Variants in RAB32 observed in about 807,000 individuals in gnomAD.
RAB32 encodes RAB32, member RAS oncogene family.
In RAB32, 17 loss-of-function variants were observed where a neutral mutation model predicts 17.5. The ratio of observed to expected loss-of-function variants is 0.97; its 90% CI spans 0.67 to 1.46. The LOEUF (loss-of-function observed/expected upper bound fraction) is 1.46. Ranked by LOEUF, RAB32 falls within the 40% of genes most tolerant of loss-of-function variation. The pLI is 0.00. For synonymous variants in RAB32, 115 were observed against 111.1 expected (o/e 1.04, Z -0.22); for missense variants, 288 against 284.3 (o/e 1.01, Z -0.09).
At chr6:146,547,873 T>G (rs3804286) in intron 1 of RAB32, among the ~76,000 whole-genome samples, 102,309 of 151,930 alleles carry the variant, frequency 0.67, 34,943 homozygotes, top group African/African-American at 0.71. Flanking sequence ...ACCATGTAAT[T>G]ATCTTGAAAT....
chr6:146,545,555 A>G (rs914924533), intron 1 of RAB32, among the ~76,000 whole-genome samples: 2 of 152,224 alleles, frequency 1.3e-5, no homozygotes, highest in Non-Finnish European at 2.9e-5. Flanking sequence ...ATTGTAACCT[A>G]TAACTCATTC....
rs139207665 is a variant in RAB32, at chr6:146,551,511, T to C, written c.528+1770T>C. ...AAGCACTAGGATTACAGGCGTGTTC[T>C]TCTGGACACTCATGCCCTCTGTCTG... On this transcript the variant is annotated intron_variant, in intron 2 of 2. Coordinates refer to ENST00000367495, the MANE Select transcript of RAB32 (RefSeq NM_006834.5). Among the ~76,000 whole-genome samples the C allele has an allele frequency of 5.1e-3, 780 of 152,126 alleles. 14 individuals are homozygous for C. The highest frequency in any genetic ancestry group is 0.048 in the East Asian group (250 of 5,162).
rs1283799891 is a variant in RAB32, at chr6:146,553,459, A to G, written c.529-997A>G. On this transcript the variant is annotated intron_variant, in intron 2 of 2. Transcript: ENST00000367495. ...AAATACATACGTTGAATTTAATGAT[A>G]AGGAAACATCGAACATCACAGATGG... Among the ~76,000 whole-genome samples, 3 of 152,308 alleles carry G rather than the reference A, an allele frequency of 2.0e-5. No individual in the cohort carries two copies. The East Asian group carries it at 5.8e-4, about 29-fold the overall frequency.
Position 146,550,731 on chromosome 6 carries a change from G to T in RAB32, c.528+990G>T, listed in dbSNP as rs983338471. ...ATACATATATAAAATGTTTGGGGGG[G>T]GGGTTACGTGCATTGGAACTTTCAC... is the stretch of plus-strand genomic sequence containing the variant. On this transcript the variant is annotated intron_variant, in intron 2 of 2. Transcript: ENST00000367495. 2.9e-4 allele frequency among the ~76,000 whole-genome samples: 43 copies of T among 147,320 alleles called. 2 individuals are homozygous for T. Among genetic ancestry groups the T allele is most frequent in the Non-Finnish European group, 5.1e-4 (34 of 66,936 alleles).
At chr6:146,544,179 C>A in intron 1 of RAB32, 58 bp downstream of exon 1, 1 of 1,519,914 alleles carries the variant, frequency 6.6e-7, no homozygotes. Context: ...TGGCTCCTCT[C>A]TGCTTCTTTT....
chr6:146,550,726 G>C (rs1266313118), intron 2 of RAB32, among the ~76,000 whole-genome samples: 3 of 137,920 alleles, frequency 2.2e-5, no homozygotes, highest in South Asian at 2.4e-4. Flanking sequence ...AAAATGTTTG[G>C]GGGGGGGGTT....
chr6:146,554,543 G>C lies in RAB32; in HGVS notation c.616G>C (p.Val206Leu). ...HQSFPNEEND[V>L]DKIKLDQETL... ...AAGCTTTCCTAATGAAGAAAACGATGTGGACAAAATTAAGCTAGATCAAGA... is the reference window on the plus strand; with the variant it reads ...AAGCTTTCCTAATGAAGAAAACGATCTGGACAAAATTAAGCTAGATCAAGA... Residue 206 changes from valine to leucine, a missense_variant, in exon 3 of 3, where the codon GTG (valine) becomes CTG (leucine). Physicochemically the swap from Val to Leu is conservative, Grantham distance 32. Transcript: ENST00000367495. 6.2e-7 allele frequency: 1 copy of C among 1,613,922 alleles called. No individual in the cohort carries two copies. The highest frequency in any genetic ancestry group is 8.5e-7 in the Non-Finnish European group (1 of 1,179,846).
intron 1 of RAB32, among the ~76,000 whole-genome samples, chr6:146,548,319 A>T (rs1562730516): frequency 1.3e-5 from 2 of 152,294 alleles, no homozygotes; most frequent in East Asian, 3.9e-4. Flanking sequence ...TATTCCCTAA[A>T]ACAATATATA....
intron 2 of RAB32, among the ~76,000 whole-genome samples, chr6:146,554,074 T>A (rs1002532025): frequency 1.2e-4 from 19 of 152,166 alleles, no homozygotes; most frequent in African/African-American, 4.6e-4. Context: ...TTTCAGTTTT[T>A]TTCACAGTGT....
At position 146,554,696 on chromosome 6, in the gene RAB32, C is replaced by G. The variant is rs896531649; in HGVS notation, c.*91C>G. On this transcript the variant is annotated 3_prime_UTR_variant, in exon 3 of 3. Coordinates refer to ENST00000367495, the MANE Select transcript of RAB32 (RefSeq NM_006834.5). ...ATGTCATGTTAGCTGGGAGTCTTCC[C>G]ACATGTGGCACTTCAAAAGGCAGCA... 5 of 1,402,522 alleles carry G rather than the reference C, an allele frequency of 3.6e-6. No homozygotes were observed. Among genetic ancestry groups the G allele is most frequent in the Non-Finnish European group, 4.8e-6 (5 of 1,040,762 alleles). 86.9% of individuals were successfully genotyped at this position (1,402,522 alleles called of 1,614,324 possible).
At chr6:146,551,239 A>C (rs1779894795) in intron 2 of RAB32, among the ~76,000 whole-genome samples, 1 of 152,226 alleles carries the variant, frequency 6.6e-6, no homozygotes, top group Non-Finnish European at 1.5e-5. Context: ...AATAAAACAT[A>C]GTGATAGAAG....
intron 1 of RAB32, among the ~76,000 whole-genome samples, chr6:146,546,241 G>C (rs1779817448): frequency 6.6e-6 from 1 of 152,078 alleles, no homozygotes; most frequent in Non-Finnish European, 1.5e-5. Flanking sequence ...CTCCAAAAGG[G>C]ATTTCTGGAT....
At chr6:146,548,844 G>T (rs1170590621) in intron 1 of RAB32, among the ~76,000 whole-genome samples, 1 of 152,202 alleles carries the variant, frequency 6.6e-6, no homozygotes, top group Non-Finnish European at 1.5e-5. Flanking sequence ...GACATTTGAA[G>T]AACCCTGGAA....
intron 1 of RAB32, among the ~76,000 whole-genome samples, chr6:146,545,697 G>T (rs145127792): frequency 6.6e-6 from 1 of 152,236 alleles, no homozygotes; most frequent in East Asian, 1.9e-4. Flanking sequence ...CCAAAAGTTC[G>T]TTTGAAAAGT....
At chr6:146,550,900 G>C (rs1282914121) in intron 2 of RAB32, among the ~76,000 whole-genome samples, 1 of 152,090 alleles carries the variant, frequency 6.6e-6, no homozygotes, top group Non-Finnish European at 1.5e-5. Flanking sequence ...TGGATTTCTT[G>C]TGTGTGTTTA....
In RAB32 at chr6:146,543,949, C is replaced by T. The variant is rs1163919609; in HGVS notation, c.78C>T (p.Phe26=). 6.2e-7 allele frequency: 1 copy of T among 1,612,776 alleles called. No individual in the cohort carries two copies. Among genetic ancestry groups the T allele is most frequent in the African/African-American group, 1.3e-5 (1 of 74,878 alleles). The change falls in exon 1 of 3, where the codon TTC becomes TTT. Residue 26 remains phenylalanine (F), a synonymous_variant. Transcript: ENST00000367495. ...APAPETREHL[F]KVLVIGELGV... The stretch of plus-strand genomic sequence containing the variant: ...CGCCCGAGACCCGCGAGCACCTCTT[C>T]AAGGTGCTGGTGATCGGCGAGCTTG...
chr6:146,549,595 G>A lies in RAB32; in HGVS notation c.382G>A (p.Val128Ile). Reference protein sequence around the residue: ...LKWKSDLDSKVHLPNGSPIPA... With the variant: ...LKWKSDLDSKIHLPNGSPIPA... ...ATGGAAAAGTGATCTGGATAGTAAA[G>A]TTCATCTTCCAAATGGCAGCCCTAT... The change falls in exon 2 of 3, where the codon GTT becomes ATT. Residue 128 changes from valine (V) to isoleucine (I), a missense_variant. Transcript: ENST00000367495. 3.7e-6 allele frequency: 6 copies of A among 1,614,172 alleles called. No homozygotes were observed. Among genetic ancestry groups the A allele is most frequent in the Non-Finnish European group, 5.1e-6 (6 of 1,180,030 alleles).
intron 2 of RAB32, among the ~76,000 whole-genome samples, chr6:146,552,129 A>G (rs1245364605): frequency 6.6e-6 from 1 of 152,174 alleles, no homozygotes; most frequent in African/African-American, 2.4e-5. Context: ...TCATCATTTC[A>G]CCTTTATGGC....
At chr6:146,547,722 C>CA (rs34641788) in intron 1 of RAB32, among the ~76,000 whole-genome samples, 2,423 of 109,584 alleles carry the variant, frequency 0.022, 66 homozygotes, top group African/African-American at 0.074. Context: ...AGATGATTCA[C>CA]AAAAAAAAAA....
Sources: allele counts gnomAD v4.1 joint callset (sites outside exome capture counted in the v4.1 genomes callset), GRCh38; gene constraint gnomAD v4.1.1; transcripts MANE v1.5; gene names NCBI Gene and HGNC (gene_info 2026-07-23, HGNC 2026-07-21).